ASTN1: variants seen among roughly 807,000 people sequenced by gnomAD.
ASTN1 encodes astrotactin 1.
In ASTN1, 41 loss-of-function variants were observed where a neutral mutation model predicts 140.7. The ratio of observed to expected loss-of-function variants is 0.29; its 90% CI spans 0.23 to 0.38. The LOEUF (loss-of-function observed/expected upper bound fraction) is 0.38. Among genes scored for constraint, ASTN1 ranks in the 10% least tolerant of loss-of-function variants. ASTN1 has a pLI of 1.00. For synonymous variants in ASTN1, 640 were observed against 652.2 expected (o/e 0.98, Z 0.29); for missense variants, 1,479 against 1,678.8 (o/e 0.88, Z 2.08).
chr1:177,061,143 G>T lies in ASTN1; in HGVS notation c.406C>A (p.Pro136Thr). The T allele has an allele frequency of 6.2e-7, 1 of 1,611,902 alleles. No homozygotes were observed. The highest frequency in any genetic ancestry group is 8.5e-7 in the Non-Finnish European group (1 of 1,179,098). ...GACTCATGTTGGGGTTCTTCAGTGG[G>T]GTCTTGTCCAGGAAGGCTTGGGGCA... is the stretch of plus-strand genomic sequence containing the variant. ...DGAPSLPGQDPTEEPQHESAE... is the reference protein window; with the variant it reads ...DGAPSLPGQDTTEEPQHESAE... The change falls in exon 2 of 23, where the codon CCC becomes ACC. Residue 136 changes from proline to threonine, a missense_variant. By Grantham distance (38) the Pro-to-Thr change is conservative. Transcript: ENST00000361833.
chr1:176,995,267 C>T (rs1225330268), intron 8 of ASTN1, among the ~76,000 whole-genome samples: 4 of 152,118 alleles, frequency 2.6e-5, no homozygotes, highest in Non-Finnish European at 5.9e-5. Context: ...AGGGGCAGAC[C>T]AGTGAACAGA....
intron 8 of ASTN1, among the ~76,000 whole-genome samples, chr1:176,989,246 G>A (rs1674049069): frequency 6.6e-6 from 1 of 152,176 alleles, no homozygotes; most frequent in Non-Finnish European, 1.5e-5. Context: ...TGGGATTTGT[G>A]ATAACTTGTG....
At chr1:176,964,664 T>A (rs1016875146) in intron 9 of ASTN1, among the ~76,000 whole-genome samples, 1 of 151,906 alleles carries the variant, frequency 6.6e-6, no homozygotes, top group Non-Finnish European at 1.5e-5. Flanking sequence ...AAAATAATAA[T>A]GAGGTAGAGT....
chr1:177,134,905 A>C (rs2102210623), intron 1 of ASTN1, among the ~76,000 whole-genome samples: 1 of 152,308 alleles, frequency 6.6e-6, no homozygotes, highest in South Asian at 2.1e-4. Flanking sequence ...TATAACAATG[A>C]CCTGAAAAAG....
intron 1 of ASTN1, among the ~76,000 whole-genome samples, chr1:177,123,448 A>G (rs1681495091): frequency 6.6e-6 from 1 of 152,222 alleles, no homozygotes; most frequent in Admixed American, 6.5e-5. Flanking sequence ...AATACCTTAG[A>G]GCATCTGTTC....
At chr1:176,933,368 C>G (rs1028644206) in intron 16 of ASTN1, among the ~76,000 whole-genome samples, 1 of 152,186 alleles carries the variant, frequency 6.6e-6, no homozygotes, top group African/African-American at 2.4e-5. Flanking sequence ...TGTGCTAATT[C>G]ATCACTTGCC....
At chr1:177,031,387 C>G (rs1187045253) in intron 3 of ASTN1, among the ~76,000 whole-genome samples, 1 of 152,180 alleles carries the variant, frequency 6.6e-6, no homozygotes, top group Non-Finnish European at 1.5e-5. Flanking sequence ...GACCTCTTCT[C>G]TGCTTCAAAT....
chr1:176,960,858 T>C (rs1195381356), intron 9 of ASTN1, among the ~76,000 whole-genome samples: 1 of 152,136 alleles, frequency 6.6e-6, no homozygotes, highest in African/African-American at 2.4e-5. Flanking sequence ...CAGACTCAGG[T>C]AAGATCCTAC....
chr1:177,021,809 C>T (rs1675837264), intron 7 of ASTN1, among the ~76,000 whole-genome samples: 1 of 152,160 alleles, frequency 6.6e-6, no homozygotes, highest in Non-Finnish European at 1.5e-5. Context: ...CCAAATCCTT[C>T]CAATCCAAGC....
intron 19 of ASTN1, 50 bp downstream of exon 19, chr1:176,884,289 A>G (rs755813890): frequency 6.4e-7 from 1 of 1,574,578 alleles, no homozygotes; most frequent in Non-Finnish European, 8.7e-7. Flanking sequence ...TCTTTGTTTT[A>G]GTTTTATCAC....
Position 176,946,449 on chromosome 1 carries a change from G to C in ASTN1, c.2055-329C>G, listed in dbSNP as rs562183749. On this transcript the variant is annotated intron_variant, in intron 12 of 22. Transcript: ENST00000361833. The stretch of plus-strand genomic sequence containing the variant: ...TCACTGAAGATAAGCTTGCAAATGA[G>C]TTAGCACATTTAAATCCAAGATATT... 1.6e-4 allele frequency among the ~76,000 whole-genome samples: 25 copies of C among 152,218 alleles called. No homozygotes were observed. In the South Asian group the frequency reaches 4.8e-3, roughly 29 times the overall value.
intron 4 of ASTN1, 123 bp from the exon 5 acceptor site, chr1:177,029,864 G>T: frequency 2.1e-6 from 2 of 941,356 alleles, no homozygotes; most frequent in South Asian, 1.6e-5. Context: ...TAATCTGGGA[G>T]AAATAGCCAA....
intron 19 of ASTN1, 140 bp from the exon 20 acceptor site, chr1:176,883,134 G>T: frequency 8.2e-7 from 1 of 1,225,784 alleles, no homozygotes; most frequent in Non-Finnish European, 1.1e-6. Context: ...GACTTAGAAG[G>T]AATGGCCTTT....
rs547166639 is a variant in ASTN1 at position 177,146,765 on chromosome 1, T to C, written c.283+17629A>G. Reference sequence around the variant, plus strand: ...TGTTTTCCGAGATCACTTAGTTCACTTTCAAAAAAATTTCAGCCAAATACT... The same window carrying C: ...TGTTTTCCGAGATCACTTAGTTCACCTTCAAAAAAATTTCAGCCAAATACT... On this transcript the variant is annotated intron_variant, in intron 1 of 22. Transcript: ENST00000361833. 5.9e-5 allele frequency among the ~76,000 whole-genome samples: 9 copies of C among 152,326 alleles called. No individual in the cohort carries two copies. In the South Asian group the frequency reaches 1.9e-3, roughly 32 times the overall value.
chr1:177,098,840 C>T (rs2102124560), intron 1 of ASTN1, among the ~76,000 whole-genome samples: 1 of 152,266 alleles, frequency 6.6e-6, no homozygotes, highest in South Asian at 2.1e-4. Context: ...TTGTCGCTAA[C>T]TGACGATCGA....
At chr1:176,942,462 G>C (rs1671759396) in intron 14 of ASTN1, among the ~76,000 whole-genome samples, 1 of 151,980 alleles carries the variant, frequency 6.6e-6, no homozygotes, top group Non-Finnish European at 1.5e-5. Flanking sequence ...TTGATGTCTG[G>C]AAGAGACCTA....
chr1:176,943,111 A>G (rs1034330851), intron 14 of ASTN1, among the ~76,000 whole-genome samples: 1 of 151,882 alleles, frequency 6.6e-6, no homozygotes, highest in Non-Finnish European at 1.5e-5. Flanking sequence ...AATCAGTGGA[A>G]TTGAACTCAT....
chr1:176,864,195 T>TA lies in ASTN1; in HGVS notation c.*88dup, dbSNP rs1557918888. On this transcript the variant is annotated 3_prime_UTR_variant, in exon 23 of 23. Coordinates refer to ENST00000361833, the MANE Select transcript of ASTN1 (RefSeq NM_004319.3). Reference sequence around the variant, plus strand: ...TGCTGTGGAGGTTTTCATGTTCCATTAAAAAATATTAAAAATCCACAGACC... The same window carrying TA: ...TGCTGTGGAGGTTTTCATGTTCCATTAAAAAAATATTAAAAATCCACAGACC... 6.6e-7 allele frequency: 1 copy of TA among 1,519,938 alleles called. No individual in the cohort carries two copies. The highest frequency in any genetic ancestry group is 1.4e-5 in the African/African-American group (1 of 72,116). 94.2% of individuals were successfully genotyped at this position (1,519,938 alleles called of 1,614,324 possible).
At chr1:177,016,220 C>T (rs1342244926) in intron 7 of ASTN1, among the ~76,000 whole-genome samples, 2 of 151,088 alleles carry the variant, frequency 1.3e-5, no homozygotes, top group Non-Finnish European at 2.9e-5. Context: ...AGCGGCTGTC[C>T]ATCAGAGCCT....
Sources: allele counts gnomAD v4.1 joint callset (sites outside exome capture counted in the v4.1 genomes callset), GRCh38; gene constraint gnomAD v4.1.1; transcripts MANE v1.5; gene names NCBI Gene and HGNC (gene_info 2026-07-23, HGNC 2026-07-21).